Variants in PIEZO1 observed in about 807,000 individuals in gnomAD.
PIEZO1 encodes the protein piezo type mechanosensitive ion channel component 1 (Er blood group), also known as piezo-type mechanosensitive ion channel component 1.
In PIEZO1, 296 loss-of-function variants were observed where a neutral mutation model predicts 297.2. The ratio of observed to expected loss-of-function variants is 1.00; its 90% CI spans 0.91 to 1.10. The LOEUF is 1.10. Ranked by LOEUF, PIEZO1 falls within the 50% of genes least tolerant of loss-of-function variation. The probability of loss-of-function intolerance (pLI) is 0.00; values close to 1 mark genes in which losing one functional copy is unlikely to be tolerated. For synonymous variants in PIEZO1, 2,427 were observed against 1,507.5 expected, an observed-to-expected ratio of 1.61 and a Z score of -14.13; for missense variants, 5,018 against 3,455.5, an observed-to-expected ratio of 1.45 and a Z score of -11.34.
Position 88,731,851 on chromosome 16 carries a change from C to A in PIEZO1, c.3051G>T (p.Leu1017=). 2.8e-6 allele frequency: 3 copies of A among 1,074,518 alleles called. No homozygotes were observed. Among genetic ancestry groups the A allele is most frequent in the Non-Finnish European group, 3.4e-6 (3 of 871,994 alleles). The allele number at this position is 1,074,518 out of a possible 1,614,324, so 66.6% of individuals were successfully genotyped here. A position where few individuals can be genotyped will look rare whatever the true frequency, so the allele number is the denominator to read the frequency against. The change falls in exon 22 of 51, where the codon CTG becomes CTT. Residue 1017 remains leucine (L), a synonymous_variant. Coordinates refer to ENST00000301015, the MANE Select transcript of PIEZO1 (RefSeq NM_001142864.4). ...IGQRMNFLVT[L]HGCWLVAILT... ...GGATGGCCACCAGCCAGCAACCGTG[C>A]AGGGTCACCAGAAAGTTCATGCGCT... is the stretch of plus-strand genomic sequence containing the variant.
In PIEZO1 at chr16:88,722,411, C is replaced by A. The variant is rs1379500645; in HGVS notation, c.4776-14G>T. ...GCGCCCAGCCCACTGGGGAGGGAAG[C>A]CGAGTCACAGAGAATCCTGCTCTAT... is the stretch of plus-strand genomic sequence containing the variant. On this transcript the variant is annotated splice_polypyrimidine_tract_variant and intron_variant, in intron 35 of 50. Coordinates refer to ENST00000301015, the MANE Select transcript of PIEZO1 (RefSeq NM_001142864.4). 2 of 1,485,142 alleles carry A rather than the reference C, an allele frequency of 1.3e-6. No individual in the cohort carries two copies. Among genetic ancestry groups the A allele is most frequent in the East Asian group, 5.0e-5 (2 of 40,284 alleles). 92.0% of individuals were successfully genotyped at this position (1,485,142 alleles called of 1,614,324 possible).
chr16:88,723,428 C>T (rs1023104494), intron 31 of PIEZO1, 100 bp from the exon 32 acceptor site: 1 of 1,348,394 alleles, frequency 7.4e-7, no homozygotes, highest in East Asian at 2.5e-5. Context: ...CAGATCCCTG[C>T]TCTGTGTCTC....
chr16:88,778,402 T>C (rs931695147), intron 1 of PIEZO1, among the ~76,000 whole-genome samples: 7 of 152,124 alleles, frequency 4.6e-5, no homozygotes, highest in Non-Finnish European at 8.8e-5. Flanking sequence ...GTGTGCAGAT[T>C]GGAGCCTGGT....
At chr16:88,775,588 G>C (rs1021682170) in intron 1 of PIEZO1, among the ~76,000 whole-genome samples, 1 of 152,094 alleles carries the variant, frequency 6.6e-6, no homozygotes, top group Non-Finnish European at 1.5e-5. Context: ...AATTAGCCGG[G>C]TGTGGTGGTG....
Position 88,722,873 on chromosome 16 carries a change from C to A in PIEZO1, c.4632G>T (p.Arg1544=), listed in dbSNP as rs1020672242. The part of the protein sequence containing the change: ...RHHGTMSDVL[R]AERYLLTQEL... The stretch of plus-strand genomic sequence containing the variant: ...CCTGTGTGAGGAGGTAGCGCTCTGC[C>A]CGCAGCACGTCGCTCATGGTGCCGT... The change falls in exon 34 of 51, where the codon CGG becomes CGT. Residue 1544 remains arginine, a synonymous_variant. Coordinates refer to ENST00000301015, the MANE Select transcript of PIEZO1 (RefSeq NM_001142864.4). The A allele has an allele frequency of 1.9e-6, 3 of 1,548,398 alleles. No homozygotes were observed. In the South Asian group the frequency reaches 3.6e-5, roughly 18 times the overall value.
intron 30 of PIEZO1, among the ~76,000 whole-genome samples, chr16:88,724,672 G>C (rs534281607): frequency 6.6e-6 from 1 of 152,168 alleles, no homozygotes; most frequent in Non-Finnish European, 1.5e-5. Context: ...CCAGCCTGCA[G>C]TGACAGAGCG....
At chr16:88,773,070 G>C (rs760088848) in intron 1 of PIEZO1, among the ~76,000 whole-genome samples, 2 of 152,222 alleles carry the variant, frequency 1.3e-5, no homozygotes, top group Admixed American at 1.3e-4. Context: ...CAGGGAGCTC[G>C]AGCTCGCTGT....
intron 2 of PIEZO1, among the ~76,000 whole-genome samples, chr16:88,748,287 A>G (rs1289523126): frequency 1.3e-5 from 2 of 152,286 alleles, no homozygotes; most frequent in East Asian, 3.8e-4. Flanking sequence ...GCGCTCTCCT[A>G]AAACGTGGGC....
chr16:88,727,725 C>A (rs1359429858), intron 22 of PIEZO1, 64 bp from the exon 23 acceptor site: 7 of 769,446 alleles, frequency 9.1e-6, no homozygotes, highest in Non-Finnish European at 1.4e-5. Flanking sequence ...CACCCGGTCC[C>A]CACCCGTTGA....
intron 1 of PIEZO1, among the ~76,000 whole-genome samples, chr16:88,768,828 G>C (rs972597736): frequency 6.6e-6 from 1 of 152,246 alleles, no homozygotes; most frequent in Admixed American, 6.5e-5. Flanking sequence ...CAGCGACACC[G>C]CGAGCTGCAG....
At position 88,736,809 on chromosome 16, in the gene PIEZO1, A is replaced by C. The variant is rs1597460444; in HGVS notation, c.1196-70T>G. 9.0e-6 allele frequency: 9 copies of C among 995,456 alleles called. No individual in the cohort carries two copies. The East Asian group carries it at 1.9e-4, about 21-fold the overall frequency. The allele number at this position is 995,456 out of a possible 1,614,324, so 61.7% of individuals were successfully genotyped here. Reference sequence around the variant, plus strand: ...GCCTCCCCACCCTGACTATGCCCTAAAATCTGGGCCCTGGGCAAGCACACA... The same window carrying C: ...GCCTCCCCACCCTGACTATGCCCTACAATCTGGGCCCTGGGCAAGCACACA... On this transcript the variant is annotated intron_variant, in intron 10 of 50. Coordinates refer to ENST00000301015, the MANE Select transcript of PIEZO1 (RefSeq NM_001142864.4).
At chr16:88,771,732 G>T (rs1380740563) in intron 1 of PIEZO1, among the ~76,000 whole-genome samples, 1 of 151,944 alleles carries the variant, frequency 6.6e-6, no homozygotes, top group Non-Finnish European at 1.5e-5. Flanking sequence ...TCCACCCGCG[G>T]CCCCAGGCCC....
chr16:88,725,284 G>C, intron 29 of PIEZO1, 132 bp downstream of exon 29: 1 of 702,428 alleles, frequency 1.4e-6, no homozygotes, highest in Non-Finnish European at 2.3e-6. Flanking sequence ...CCAGACAGAG[G>C]GTGATCATGC....
At chr16:88,716,754 G>A in intron 46 of PIEZO1, 23 bp from the exon 47 acceptor site, 1 of 1,548,618 alleles carries the variant, frequency 6.5e-7, no homozygotes, top group Non-Finnish European at 8.7e-7. Context: ...GACACCCTCA[G>A]TGACTGCAGC....
At chr16:88,778,905 C>A (rs562781534) in intron 1 of PIEZO1, among the ~76,000 whole-genome samples, 4 of 152,188 alleles carry the variant, frequency 2.6e-5, no homozygotes, top group Non-Finnish European at 5.9e-5. Flanking sequence ...GCCGTTCCAG[C>A]TGGGAGAGAG....
At chr16:88,721,767 G>T in intron 37 of PIEZO1, 41 bp from the exon 38 acceptor site, 1 of 1,535,410 alleles carries the variant, frequency 6.5e-7, no homozygotes, top group Non-Finnish European at 8.8e-7. Flanking sequence ...GGGTCACGGC[G>T]CGGTGGGCCG....
intron 50 of PIEZO1, 31 bp from the exon 51 acceptor site, chr16:88,715,885 G>A (rs762275396): frequency 6.1e-5 from 94 of 1,544,928 alleles, no homozygotes; most frequent in Middle Eastern, 1.7e-4. Context: ...TCCTGGGGCC[G>A]CCCGGAGCCC....
At chr16:88,770,537 G>A (rs1033689196) in intron 1 of PIEZO1, among the ~76,000 whole-genome samples, 1 of 152,222 alleles carries the variant, frequency 6.6e-6, no homozygotes, top group African/African-American at 2.4e-5. Context: ...GCAGTCCATC[G>A]GGAGAGGTGG....
At chr16:88,773,073 C>A (rs1409603141) in intron 1 of PIEZO1, among the ~76,000 whole-genome samples, 1 of 152,254 alleles carries the variant, frequency 6.6e-6, no homozygotes, top group Non-Finnish European at 1.5e-5. Context: ...GGAGCTCGAG[C>A]TCGCTGTGCT....
Sources: gnomAD v4.1 joint callset for allele counts (sites outside exome capture counted in the v4.1 genomes callset) on GRCh38, gnomAD v4.1.1 for gene constraint, MANE v1.5 for transcripts, NCBI Gene and HGNC (gene_info 2026-07-23, HGNC 2026-07-21) for gene names.